NFILZ: variants seen among roughly 807,000 people sequenced by gnomAD.
The protein encoded by NFILZ is NFIL3 like protein.
At chr19:8,659,739 G>A (rs1435877476) in intron 3 of NFILZ, among the ~76,000 whole-genome samples, 2 of 152,192 alleles carry the variant, frequency 1.3e-5, no homozygotes, top group African/African-American at 2.4e-5. Context: ...GGGACCCAGA[G>A]GTGTCACAGG....
intron 2 of NFILZ, among the ~76,000 whole-genome samples, chr19:8,634,655 C>T (rs1333148124): frequency 6.6e-6 from 1 of 152,024 alleles, no homozygotes. Flanking sequence ...GCGGGCGGAT[C>T]GCTTGAGCTC....
chr19:8,654,326 A>AT (rs2042982512), intron 3 of NFILZ, among the ~76,000 whole-genome samples: 1 of 98,004 alleles, frequency 1.0e-5, no homozygotes, highest in South Asian at 3.7e-4. Flanking sequence ...CTGAAAAAAA[A>AT]AAAAATTATG....
At chr19:8,664,137 C>T (rs1396513287) in intron 3 of NFILZ, among the ~76,000 whole-genome samples, 3 of 152,202 alleles carry the variant, frequency 2.0e-5, no homozygotes, top group Non-Finnish European at 4.4e-5. Context: ...CCCGTGAGCC[C>T]TGGTGAGCCT....
intron 3 of NFILZ, among the ~76,000 whole-genome samples, chr19:8,636,889 G>T (rs1433218421): frequency 1.3e-5 from 2 of 152,136 alleles, no homozygotes; most frequent in African/African-American, 4.8e-5. Flanking sequence ...ATTGCGCCTG[G>T]CCTATATGGA....
chr19:8,666,826 C>A (rs2043064132), intron 3 of NFILZ, among the ~76,000 whole-genome samples: 1 of 152,102 alleles, frequency 6.6e-6, no homozygotes. Flanking sequence ...CTCGACCTCC[C>A]CAGGCTCAGG....
In NFILZ at chr19:8,676,824, G is replaced by A. The variant is rs1339240050; in HGVS notation, c.59G>A (p.Trp20Ter). The A allele has an allele frequency of 3.3e-5, 5 of 152,560 alleles. No individual in the cohort carries two copies. Among genetic ancestry groups the A allele is most frequent in the Non-Finnish European group, 5.9e-5 (4 of 68,192 alleles). 9.5% of individuals were successfully genotyped at this position (152,560 alleles called of 1,614,324 possible). ...DVSQSHSKTL[W>*]GARGRGPSIR... ...TCTCAGAGTCATAGCAAGACCTTGT[G>A]GGGGGCTCGGGGCAGGGGCCCCTCC... The change falls in exon 6 of 6, where the codon TGG becomes TAG. Residue 20 changes from tryptophan to a stop codon, truncating the protein, a stop_gained. Coordinates refer to ENST00000691075, the MANE Select transcript of NFILZ (RefSeq NM_001378600.1). LOFTEE classifies it low-confidence loss of function (END_TRUNC).
At chr19:8,645,155 G>A (rs1555746971) in intron 3 of NFILZ, among the ~76,000 whole-genome samples, 1 of 150,432 alleles carries the variant, frequency 6.6e-6, no homozygotes, top group African/African-American at 2.5e-5. Context: ...TATTTTAAGA[G>A]ACAGGGTCTT....
At chr19:8,663,757 T>TATGTGTGTGTGTGTGTGTGA in intron 3 of NFILZ, among the ~76,000 whole-genome samples, 1 of 150,748 alleles carries the variant, frequency 6.6e-6, no homozygotes, top group Non-Finnish European at 1.5e-5. Flanking sequence ...TGTGTGTGTG[T>TATGTGTGTGTGTGTGTGTGA]GTGTGTGTGT....
At chr19:8,655,912 AG>A (rs5827011) in intron 3 of NFILZ, among the ~76,000 whole-genome samples, 2 of 151,394 alleles carry the variant, frequency 1.3e-5, no homozygotes, top group Admixed American at 6.6e-5. Context: ...TCTCTGGTTC[AG>A]GGGGGGTCTC....
In NFILZ at chr19:8,676,601, C is replaced by T. The variant is rs551489105; in HGVS notation, c.-16+145C>T. 1.6e-4 allele frequency among the ~76,000 whole-genome samples: 24 copies of T among 152,350 alleles called. No homozygotes were observed. In the South Asian group the frequency reaches 5.0e-3, roughly 32 times the overall value. ...CACCCAATCTTCACTGGGCATCAAA[C>T]AGATGAAGATCGAACCTTGGTCTCC... On this transcript the variant is annotated intron_variant, in intron 5 of 5. Coordinates refer to ENST00000691075, the MANE Select transcript of NFILZ (RefSeq NM_001378600.1).
At chr19:8,643,870 C>T (rs949938198) in intron 3 of NFILZ, among the ~76,000 whole-genome samples, 2 of 152,076 alleles carry the variant, frequency 1.3e-5, no homozygotes, top group Admixed American at 6.6e-5. Context: ...CTGTTGCTGT[C>T]GCTCTCTCTC....
intron 3 of NFILZ, among the ~76,000 whole-genome samples, chr19:8,640,654 G>A (rs919925640): frequency 2.0e-5 from 3 of 152,144 alleles, no homozygotes; most frequent in Non-Finnish European, 4.4e-5. Context: ...CAAGAGACCA[G>A]AAGCAGCCAC....
At chr19:8,653,164 C>T (rs1387505586) in intron 3 of NFILZ, among the ~76,000 whole-genome samples, 3 of 151,264 alleles carry the variant, frequency 2.0e-5, no homozygotes, top group African/African-American at 4.9e-5. Flanking sequence ...TCACTGCAAC[C>T]TTCGCCTCCC....
At chr19:8,638,843 T>C (rs1171561066) in intron 3 of NFILZ, among the ~76,000 whole-genome samples, 1 of 146,194 alleles carries the variant, frequency 6.8e-6, no homozygotes, top group Non-Finnish European at 1.5e-5. Flanking sequence ...TTTACTTTGC[T>C]GTTTTTTTTT....
chr19:8,675,204 T>G (rs2043105347), intron 4 of NFILZ, among the ~76,000 whole-genome samples: 1 of 152,228 alleles, frequency 6.6e-6, no homozygotes, highest in African/African-American at 2.4e-5. Flanking sequence ...ATGATCGGTT[T>G]TCAGCCCTCA....
Position 8,678,113 on chromosome 19 carries a change from C to CCT in NFILZ, c.*479_*480insTC, listed in dbSNP as rs1600158138. On this transcript the variant is annotated 3_prime_UTR_variant, in exon 6 of 6. Coordinates refer to ENST00000691075, the MANE Select transcript of NFILZ (RefSeq NM_001378600.1). ...CCATTCCATCCATCCATCCATCCAT[C>CCT]CATCCATCCATCCCTCCATCCATTC... Among the ~76,000 whole-genome samples the CCT allele has an allele frequency of 3.1e-4, 29 of 94,340 alleles. No individual in the cohort carries two copies. Among genetic ancestry groups the CCT allele is most frequent in the African/African-American group, 7.5e-4 (19 of 25,386 alleles). 61.9% of individuals were successfully genotyped at this position (94,340 alleles called of 152,430 possible). A position where few individuals can be genotyped will look rare whatever the true frequency, so the allele number is the denominator to read the frequency against.
chr19:8,652,997 TTCCTTCCTTC>T (rs2042973332), intron 3 of NFILZ, among the ~76,000 whole-genome samples: 258 of 20,586 alleles, frequency 0.013, no homozygotes, highest in Non-Finnish European at 0.019. Context: ...CCTTCCTTCC[TTCCTTCCTTC>T]CTTCCTTTCT....
intron 3 of NFILZ, among the ~76,000 whole-genome samples, chr19:8,642,714 C>T (rs1330971234): frequency 2.0e-5 from 3 of 152,074 alleles, no homozygotes; most frequent in Non-Finnish European, 4.4e-5. Context: ...GAGAATATAG[C>T]CCTAATGCGC....
chr19:8,655,103 C>G (rs1568421054), intron 3 of NFILZ, among the ~76,000 whole-genome samples: 1 of 152,172 alleles, frequency 6.6e-6, no homozygotes, highest in Non-Finnish European at 1.5e-5. Context: ...CTTAATTGCT[C>G]CATGCCTCAG....
Sources: gnomAD v4.1 joint callset for allele counts (sites outside exome capture counted in the v4.1 genomes callset) on GRCh38, gnomAD v4.1.1 for gene constraint, MANE v1.5 for transcripts, NCBI Gene and HGNC (gene_info 2026-07-23, HGNC 2026-07-21) for gene names.